NCAPD3: variants seen among roughly 807,000 people sequenced by gnomAD.
The protein encoded by NCAPD3 is condensin-2 complex subunit D3.
A neutral mutation model predicts 182.9 loss-of-function variants in NCAPD3; 105 were observed. The observed-to-expected ratio is 0.57, with a 90% CI of 0.49 to 0.68. The LOEUF (loss-of-function observed/expected upper bound fraction) is 0.68. NCAPD3 is among the 30% of genes least tolerant of loss of function. The pLI is 0.00. For missense variants in NCAPD3, 1,944 were observed against 1,837.0 expected (o/e 1.06, Z -1.07); for synonymous variants, 815 against 679.9 (o/e 1.20, Z -3.09).
chr11:134,155,113 G>A (rs945557798), intron 32 of NCAPD3, among the ~76,000 whole-genome samples: 9 of 152,188 alleles, frequency 5.9e-5, no homozygotes, highest in South Asian at 2.1e-4. Flanking sequence ...TGTGCCACCC[G>A]AATGGTAACA....
At chr11:134,181,969 CACT>C (rs1249330788) in intron 19 of NCAPD3, among the ~76,000 whole-genome samples, 1 of 151,886 alleles carries the variant, frequency 6.6e-6, no homozygotes, top group Non-Finnish European at 1.5e-5. Flanking sequence ...GGCAAGCCAC[CACT>C]ATGAGCAATG....
intron 19 of NCAPD3, among the ~76,000 whole-genome samples, chr11:134,183,537 T>C (rs1944340399): frequency 6.6e-6 from 1 of 152,142 alleles, no homozygotes; most frequent in South Asian, 2.1e-4. Context: ...CACTGTACTC[T>C]AGCCTGGGTG....
chr11:134,207,975 C>T (rs1182968467), intron 7 of NCAPD3, among the ~76,000 whole-genome samples: 1 of 152,136 alleles, frequency 6.6e-6, no homozygotes, highest in Non-Finnish European at 1.5e-5. Context: ...AGGCGGCCTG[C>T]TCAACTTCAT....
At chr11:134,174,608 C>T (rs1192304979) in intron 24 of NCAPD3, among the ~76,000 whole-genome samples, 1 of 151,652 alleles carries the variant, frequency 6.6e-6, no homozygotes, top group African/African-American at 2.4e-5. Flanking sequence ...GGGAAGGGTA[C>T]AGAAAGGCTG....
chr11:134,176,461 C>A, intron 23 of NCAPD3, 75 bp from the exon 24 acceptor site: 2 of 1,263,246 alleles, frequency 1.6e-6, no homozygotes, highest in South Asian at 2.4e-5. Context: ...CCACACCCCA[C>A]CCACCACGCG....
chr11:134,194,514 T>C (rs1944586202), intron 14 of NCAPD3, 151 bp downstream of exon 14: 1 of 527,950 alleles, frequency 1.9e-6, no homozygotes, highest in Non-Finnish European at 3.2e-6. Flanking sequence ...CCAGTTCGTC[T>C]ATGATTCATA....
At chr11:134,157,786 AC>A in intron 31 of NCAPD3, 141 bp downstream of exon 31, 1 of 943,536 alleles carries the variant, frequency 1.1e-6, no homozygotes, top group Non-Finnish European at 1.6e-6. Context: ...TTGTTTTACT[AC>A]CCATGATCCT....
chr11:134,180,948 AAGT>A (rs1944282094), intron 20 of NCAPD3, 126 bp downstream of exon 20: 1 of 631,700 alleles, frequency 1.6e-6, no homozygotes, highest in African/African-American at 1.8e-5. Flanking sequence ...TAAAAAGAGA[AAGT>A]AAGCTCTAGG....
intron 15 of NCAPD3, 36 bp downstream of exon 15, chr11:134,193,980 T>C: frequency 6.4e-7 from 1 of 1,574,094 alleles, no homozygotes; most frequent in Non-Finnish European, 8.6e-7. Flanking sequence ...TAATGTAAAA[T>C]ACCATGCATT....
chr11:134,193,050 T>C lies in NCAPD3; in HGVS notation c.1825-141A>G, dbSNP rs182924841. ...TGAAAAAAGAAAAAAATTCAAAAAA[T>C]ATACAAAAGCAAAGCCAGCTTAATG... is the stretch of plus-strand genomic sequence containing the variant. On this transcript the variant is annotated intron_variant, in intron 15 of 34. Transcript: ENST00000534548. 24 of 575,810 alleles carry C rather than the reference T, an allele frequency of 4.2e-5. No homozygotes were observed. The East Asian group carries it at 5.8e-4, about 14-fold the overall frequency. The allele number at this position is 575,810 out of a possible 1,614,324, so 35.7% of individuals were successfully genotyped here. A position where few individuals can be genotyped will look rare whatever the true frequency, so the allele number is the denominator to read the frequency against.
chr11:134,153,038 T>G lies in NCAPD3; in HGVS notation c.4403A>C (p.Gln1468Pro). 2 of 1,602,576 alleles carry G rather than the reference T, an allele frequency of 1.2e-6. No homozygotes were observed. Among genetic ancestry groups the G allele is most frequent in the Non-Finnish European group, 1.7e-6 (2 of 1,172,144 alleles). ...GGCGGGAGACCGCACATTCCACTGC[T>G]GAGGCTGTGGGGGCCTAGGGAAAGG... ...SLPDKPPPQP[Q>P]QWNVRSPARN... The change falls in exon 35 of 35, where the codon CAG (glutamine) becomes CCG (proline). Residue 1468 changes from glutamine to proline, a missense_variant. Physicochemically the swap from Gln to Pro is moderately conservative, Grantham distance 76. Coordinates refer to ENST00000534548, the MANE Select transcript of NCAPD3 (RefSeq NM_015261.3).
At position 134,190,632 on chromosome 11, in the gene NCAPD3, G is replaced by A. The variant is rs149515769; in HGVS notation, c.2045+2057C>T. ...CTCCCAAGTAGCTGGGACTACAGGC[G>A]TGCGCCACCACAAATGGCTTTTTTT... On this transcript the variant is annotated intron_variant, in intron 16 of 34. Coordinates refer to ENST00000534548, the MANE Select transcript of NCAPD3 (RefSeq NM_015261.3). 2.7e-3 allele frequency among the ~76,000 whole-genome samples: 413 copies of A among 152,196 alleles called. 7 individuals are homozygous for A. The South Asian group carries it at 0.03, about 11-fold the overall frequency.
upstream of NCAPD3, chr11:134,225,370 C>G: frequency 6.2e-7 from 1 of 1,610,376 alleles, no homozygotes; most frequent in East Asian, 2.2e-5. Context: ...GGGACCCCCT[C>G]CCCCAGCGCC....
intron 24 of NCAPD3, among the ~76,000 whole-genome samples, chr11:134,171,264 G>T (rs143414763): frequency 2.0e-5 from 3 of 152,240 alleles, no homozygotes; most frequent in Admixed American, 6.5e-5. Context: ...AACACAAAGG[G>T]AAGACCAGCT....
intron 16 of NCAPD3, among the ~76,000 whole-genome samples, chr11:134,192,045 G>A (rs1021150428): frequency 3.3e-5 from 5 of 152,104 alleles, no homozygotes; most frequent in Non-Finnish European, 7.4e-5. Context: ...TTTGGATTAC[G>A]GATGCTCAAC....
chr11:134,169,893 AAT>A (rs1397060868), intron 24 of NCAPD3, among the ~76,000 whole-genome samples: 1 of 152,210 alleles, frequency 6.6e-6, no homozygotes, highest in Non-Finnish European at 1.5e-5. Context: ...GTTTTAATTT[AAT>A]ATCAGAGCTC....
intron 4 of NCAPD3, chr11:134,209,852 C>G (rs917547051): frequency 8.3e-5 from 18 of 216,222 alleles, no homozygotes; most frequent in Non-Finnish European, 1.4e-4. Flanking sequence ...GCCAGGAGTT[C>G]GAGACCAGCC....
rs1332646800 is a variant in NCAPD3 at position 134,150,177 on chromosome 11, G to C, written c.*2767C>G. On this transcript the variant is annotated 3_prime_UTR_variant, in exon 35 of 35. Coordinates refer to ENST00000534548, the MANE Select transcript of NCAPD3 (RefSeq NM_015261.3). ...ACAAGTTTTAGCCTTTTTCACAAGG[G>C]AACTCATACTGTCTACACATCAGAC... 1.3e-5 allele frequency: 2 copies of C among 153,562 alleles called. No homozygotes were observed. The highest frequency in any genetic ancestry group is 4.8e-5 in the African/African-American group (2 of 41,430). 9.5% of individuals were successfully genotyped at this position (153,562 alleles called of 1,614,324 possible).
At chr11:134,215,071 T>A (rs1255378850) in intron 3 of NCAPD3, among the ~76,000 whole-genome samples, 3 of 152,222 alleles carry the variant, frequency 2.0e-5, no homozygotes, top group Non-Finnish European at 4.4e-5. Flanking sequence ...TGTAATATAC[T>A]ATATTAGAAT....
Sources: allele counts gnomAD v4.1 joint callset (sites outside exome capture counted in the v4.1 genomes callset), GRCh38; gene constraint gnomAD v4.1.1; transcripts MANE v1.5; gene names NCBI Gene and HGNC (gene_info 2026-07-23, HGNC 2026-07-21).